LRRC37A2: variants seen among roughly 807,000 people sequenced by gnomAD.
LRRC37A2 encodes the protein leucine rich repeat containing 37 member A2.
A neutral mutation model predicts 68.8 loss-of-function variants in LRRC37A2; 9 were observed. That is an observed-to-expected ratio of 0.13 (90% CI 0.08 to 0.23). The LOEUF (loss-of-function observed/expected upper bound fraction) is 0.23. Ranked by LOEUF, LRRC37A2 falls within the 10% of genes least tolerant of loss-of-function variation. The pLI is 1.00. For synonymous variants in LRRC37A2, 63 were observed against 367.6 expected, an observed-to-expected ratio of 0.17 and a Z score of 9.48; for missense variants, 168 against 950.4, an observed-to-expected ratio of 0.18 and a Z score of 10.82.
the LRRC37A2 span, among the ~76,000 whole-genome samples, chr17:46,784,942 A>AT: frequency 1.3e-5 from 2 of 151,578 alleles, no homozygotes; most frequent in East Asian, 3.9e-4. Context: ...TGCCCGGCTA[A>AT]TTTTTTTGTA....
At chr17:46,946,872 AAAAC>A in the LRRC37A2 span, among the ~76,000 whole-genome samples, 2 of 152,338 alleles carry the variant, frequency 1.3e-5, no homozygotes, top group South Asian at 4.1e-4. Flanking sequence ...CAATTTTAAA[AAAAC>A]AAAAATTATG....
chr17:47,049,103 T>C, the LRRC37A2 span: 1 of 908,550 alleles, frequency 1.1e-6, no homozygotes, highest in Admixed American at 1.9e-5. Context: ...CACTCAAATG[T>C]TTGCTGACTC....
chr17:46,912,824 T>A, the LRRC37A2 span, among the ~76,000 whole-genome samples: 1 of 152,172 alleles, frequency 6.6e-6, no homozygotes, highest in Non-Finnish European at 1.5e-5. Flanking sequence ...AGGTGTCCTG[T>A]TTATCTGTGT....
chr17:46,948,018 C>T, the LRRC37A2 span, among the ~76,000 whole-genome samples: 1 of 152,212 alleles, frequency 6.6e-6, no homozygotes, highest in African/African-American at 2.4e-5. Flanking sequence ...GATCCACCTG[C>T]CTTGGCCTTC....
At chr17:46,840,001 T>TTTCTC in the LRRC37A2 span, among the ~76,000 whole-genome samples, 11 of 4,016 alleles carry the variant, frequency 2.7e-3, no homozygotes, top group African/African-American at 9.6e-3. Context: ...TTTTTCTTTC[T>TTTCTC]TCTTTCTTTC....
chr17:46,954,351 A>T, the LRRC37A2 span, among the ~76,000 whole-genome samples: 1 of 152,134 alleles, frequency 6.6e-6, no homozygotes, highest in East Asian at 1.9e-4. Flanking sequence ...GTAGTAGATA[A>T]GCGGCATTAT....
the LRRC37A2 span, chr17:46,768,705 C>A: frequency 6.2e-7 from 1 of 1,614,106 alleles, no homozygotes; most frequent in Non-Finnish European, 8.5e-7. The surrounding 1 kb of genome is among the most constrained non-coding windows in gnomAD (Gnocchi z 5.0). Context: ...ACCGATGGCA[C>A]GGAAGTCAGG....
At chr17:46,984,683 T>A in the LRRC37A2 span, among the ~76,000 whole-genome samples, 37,665 of 152,080 alleles carry the variant, frequency 0.25, 6,059 homozygotes, top group Non-Finnish European at 0.36. Context: ...CTCCTCCAGA[T>A]CTCAAGGTTA....
chr17:47,000,259 G>A, the LRRC37A2 span, among the ~76,000 whole-genome samples: 1 of 139,178 alleles, frequency 7.2e-6, no homozygotes, highest in South Asian at 2.2e-4. Context: ...TTTTGAGACA[G>A]AGTCCTGCTC....
the LRRC37A2 span, among the ~76,000 whole-genome samples, chr17:47,016,080 G>A: frequency 6.6e-6 from 1 of 152,144 alleles, no homozygotes; most frequent in African/African-American, 2.4e-5. Flanking sequence ...GAGTAGCTGG[G>A]ATTGCAGGTA....
At chr17:46,925,715 T>C in the LRRC37A2 span, among the ~76,000 whole-genome samples, 3 of 152,170 alleles carry the variant, frequency 2.0e-5, no homozygotes, top group Admixed American at 6.5e-5. Flanking sequence ...GCTGAACTTA[T>C]TAATTTTACT....
chr17:46,908,347 T>A, the LRRC37A2 span, among the ~76,000 whole-genome samples: 16 of 151,994 alleles, frequency 1.1e-4, no homozygotes, highest in Admixed American at 3.3e-4. Flanking sequence ...TGCCTCAGGG[T>A]CCTGGGCGCT....
the LRRC37A2 span, chr17:46,923,614 G>C: frequency 9.0e-5 from 112 of 1,251,242 alleles, no homozygotes; most frequent in African/African-American, 1.6e-3. Context: ...GGAGTGTACT[G>C]TTTAATTGGA....
At chr17:46,876,185 G>A in the LRRC37A2 span, 2 of 1,476,504 alleles carry the variant, frequency 1.4e-6, no homozygotes, top group Non-Finnish European at 1.8e-6. Context: ...TGCTCTGGGG[G>A]CAGGCTCTGG....
chr17:46,875,166 G>T, the LRRC37A2 span: 1 of 1,614,006 alleles, frequency 6.2e-7, no homozygotes, highest in African/African-American at 1.3e-5. Context: ...CCTGGCCCGG[G>T]CCTGCAGCGC....
At chr17:46,913,572 C>A in the LRRC37A2 span, among the ~76,000 whole-genome samples, 1 of 152,102 alleles carries the variant, frequency 6.6e-6, no homozygotes, top group Non-Finnish European at 1.5e-5. Flanking sequence ...CATACAAAGG[C>A]CAGAAGACAC....
chr17:46,963,241 A>G, the LRRC37A2 span, among the ~76,000 whole-genome samples: 3 of 152,200 alleles, frequency 2.0e-5, no homozygotes, highest in Admixed American at 6.5e-5. Context: ...TATAAAGATG[A>G]TCAGTTAAGT....
chr17:46,938,172 T>C, the LRRC37A2 span, among the ~76,000 whole-genome samples: 1 of 151,724 alleles, frequency 6.6e-6, no homozygotes, highest in South Asian at 2.1e-4. Context: ...CTGTTTGCAG[T>C]TTTTAGATAT....
At chr17:46,598,240 C>CTTTTTTTTTT in the LRRC37A2 span, among the ~76,000 whole-genome samples, 1 of 109,482 alleles carries the variant, frequency 9.1e-6, no homozygotes, top group Non-Finnish European at 1.9e-5. Context: ...TCCAATGAAG[C>CTTTTTTTTTT]ACCGTATATA....
Sources: gnomAD v4.1 joint callset for allele counts (sites outside exome capture counted in the v4.1 genomes callset) on GRCh38, gnomAD v4.1.1 for gene constraint, Gnocchi (gnomAD v3.1) non-coding constraint, MANE v1.5 for transcripts, NCBI Gene and HGNC (gene_info 2026-07-23, HGNC 2026-07-21) for gene names.